PTPRG: variants seen among roughly 807,000 people sequenced by gnomAD.
PTPRG encodes the protein protein tyrosine phosphatase receptor type G, also known as receptor-type tyrosine-protein phosphatase gamma.
A neutral mutation model predicts 165.3 loss-of-function variants in PTPRG; 102 were observed. That is an observed-to-expected ratio of 0.62 (90% CI 0.53 to 0.73). PTPRG has a LOEUF of 0.73. Among genes scored for constraint, PTPRG ranks in the 30% least tolerant of loss-of-function variants. The pLI is 0.00. For missense variants in PTPRG, 1,866 were observed against 1,861.4 expected (o/e 1.00, Z -0.05); for synonymous variants, 675 against 669.5 (o/e 1.01, Z -0.13).
chr3:61,766,584 T>C (rs892167621), intron 2 of PTPRG, among the ~76,000 whole-genome samples: 1 of 151,842 alleles, frequency 6.6e-6, no homozygotes, highest in African/African-American at 2.4e-5. Flanking sequence ...ATCACACATG[T>C]ATTATTTAAC....
At chr3:61,604,665 A>G (rs946442967) in intron 1 of PTPRG, among the ~76,000 whole-genome samples, 9 of 152,212 alleles carry the variant, frequency 5.9e-5, no homozygotes, top group Admixed American at 1.3e-4. Flanking sequence ...AACAAGTAGC[A>G]TACTTGGTAG....
rs9831608 is a variant in PTPRG at position 62,062,577 on chromosome 3, A to T, written c.520-15586A>T. Among the ~76,000 whole-genome samples the T allele has an allele frequency of 3.7e-3, 568 of 152,114 alleles. 3 individuals are homozygous for T. Among genetic ancestry groups the T allele is most frequent in the Non-Finnish European group, 5.7e-3 (389 of 67,998 alleles). On this transcript the variant is annotated intron_variant, in intron 4 of 29. Transcript: ENST00000474889. Reference sequence around the variant, plus strand: ...CCCTATCAAGTAACCAGTTCAACAGAGACATCTATTTTTTGAAAAGAAGTT... The same window carrying T: ...CCCTATCAAGTAACCAGTTCAACAGTGACATCTATTTTTTGAAAAGAAGTT...
chr3:61,995,776 T>C (rs1401290041), intron 3 of PTPRG, among the ~76,000 whole-genome samples: 1 of 146,254 alleles, frequency 6.8e-6, no homozygotes, highest in Admixed American at 6.8e-5. Flanking sequence ...TCCTTCTTTT[T>C]CTTTTTCTTT....
At chr3:62,243,958 T>C in intron 15 of PTPRG, 60 bp downstream of exon 15, 1 of 1,062,952 alleles carries the variant, frequency 9.4e-7, no homozygotes, top group African/African-American at 1.6e-5. Context: ...TTATTCTCAG[T>C]TTTATGTGAT....
Position 62,255,159 on chromosome 3 carries a change from A to G in PTPRG, c.2503A>G (p.Lys835Glu). ...AGCCATTCCTGTCAAACAGTTTGTC[A>G]AACACATCGGTGAGCTCTATTCTAA... ...MEAIPVKQFV[K>E]HIGELYSNNQ... The change falls in exon 16 of 30, where the codon AAA becomes GAA. Residue 835 changes from lysine (K) to glutamate (E), a missense_variant. Physicochemically the swap from Lys to Glu is moderately conservative, Grantham distance 56. Around this residue, in one of 3 missense-constraint regions of PTPRG, gnomAD observed 1,452 missense variants for 1,463.0 expected, o/e 0.99. Coordinates refer to ENST00000474889, the MANE Select transcript of PTPRG (RefSeq NM_002841.4). The surrounding 1 kb of genome is among the most constrained non-coding windows in gnomAD (Gnocchi z 4.0). The G allele has an allele frequency of 6.2e-7, 1 of 1,613,392 alleles. No individual in the cohort carries two copies. Among genetic ancestry groups the G allele is most frequent in the Non-Finnish European group, 8.5e-7 (1 of 1,179,594 alleles).
In PTPRG at chr3:62,277,570, A is replaced by G. The variant is rs770056517; in HGVS notation, c.3656A>G (p.Glu1219Gly). The G allele has an allele frequency of 1.9e-6, 3 of 1,611,686 alleles. No individual in the cohort carries two copies. The highest frequency in any genetic ancestry group is 2.5e-6 in the Non-Finnish European group (3 of 1,179,176). ...SYIMGYYRSN[E>G]FIITQHPLPH... ...CTGAAGGGCTATTATAGGAGCAATG[A>G]ATTTATTATAACTCAGCATCCTCTG... The change falls in exon 26 of 30, where the codon GAA becomes GGA. Residue 1219 changes from glutamate (E) to glycine (G), a missense_variant. Around this residue, in one of 3 missense-constraint regions of PTPRG, gnomAD observed 1,452 missense variants for 1,463.0 expected, o/e 0.99. Coordinates refer to ENST00000474889, the MANE Select transcript of PTPRG (RefSeq NM_002841.4).
intron 2 of PTPRG, among the ~76,000 whole-genome samples, chr3:61,866,324 A>T (rs189892280): frequency 6.6e-6 from 1 of 152,246 alleles, no homozygotes; most frequent in East Asian, 1.9e-4. Context: ...TTCTGTTTGC[A>T]CGTGACCATG....
intron 1 of PTPRG, among the ~76,000 whole-genome samples, chr3:61,732,753 TAA>T (rs2032562127): frequency 1.4e-5 from 2 of 142,442 alleles, no homozygotes; most frequent in African/African-American, 2.7e-5. Context: ...AATAAATAAA[TAA>T]ATAAATCTTG....
At chr3:61,748,853 C>G in intron 1 of PTPRG, 25 bp from the exon 2 acceptor site, 1 of 1,596,044 alleles carries the variant, frequency 6.3e-7, no homozygotes, top group Non-Finnish European at 8.6e-7. Flanking sequence ...GCCTTTGTCT[C>G]ATTGTGGGTT....
intron 1 of PTPRG, among the ~76,000 whole-genome samples, chr3:61,672,743 AGAGG>A (rs1703063823): frequency 1.6e-5 from 2 of 121,760 alleles, no homozygotes; most frequent in Non-Finnish European, 3.3e-5. Context: ...GGGGAGAGGG[AGAGG>A]GAGAGGGAGA....
At chr3:62,262,023 C>G (rs944866553) in intron 16 of PTPRG, 2 of 152,196 alleles carry the variant, frequency 1.3e-5, no homozygotes, top group African/African-American at 4.8e-5. Flanking sequence ...CCTTATTAGT[C>G]AGCTCCAGTA....
intron 8 of PTPRG, among the ~76,000 whole-genome samples, chr3:62,183,420 C>T (rs971665149): frequency 1.3e-5 from 2 of 152,040 alleles, no homozygotes; most frequent in Non-Finnish European, 2.9e-5. Flanking sequence ...CAAAATTGGC[C>T]AGGTGTGGTG....
intron 2 of PTPRG, among the ~76,000 whole-genome samples, chr3:61,953,147 C>G (rs747568138): frequency 1.3e-5 from 2 of 152,166 alleles, no homozygotes; most frequent in African/African-American, 2.4e-5. Flanking sequence ...AACGCTTTCC[C>G]TCCTCCCAAC....
At chr3:62,275,846 A>G in intron 23 of PTPRG, 27 bp from the exon 24 acceptor site, 1 of 1,526,814 alleles carries the variant, frequency 6.5e-7, no homozygotes. Context: ...TCTTTGAATG[A>G]AGACTAAAAT....
intron 5 of PTPRG, among the ~76,000 whole-genome samples, chr3:62,090,120 A>G (rs1378144707): frequency 3.3e-5 from 5 of 152,254 alleles, no homozygotes; most frequent in Admixed American, 6.5e-5. Context: ...TGCACCACAT[A>G]TAATAAAATG....
chr3:61,680,519 C>A (rs57568191), intron 1 of PTPRG, among the ~76,000 whole-genome samples: 49,705 of 93,846 alleles, frequency 0.53, 13,133 homozygotes, highest in East Asian at 0.72. Context: ...AAAAAAAAAA[C>A]ACAAAAAAAC....
At chr3:62,285,315 T>C (rs1291056945) in intron 28 of PTPRG, among the ~76,000 whole-genome samples, 1 of 152,146 alleles carries the variant, frequency 6.6e-6, no homozygotes, top group Non-Finnish European at 1.5e-5. Flanking sequence ...CATTTATTGT[T>C]CAAAGTCATT....
chr3:61,660,335 A>C (rs1265979058), intron 1 of PTPRG, among the ~76,000 whole-genome samples: 1 of 152,248 alleles, frequency 6.6e-6, no homozygotes. Flanking sequence ...TGCAGGTGGC[A>C]GCTTGCTGTG....
rs1276265149 is a variant in PTPRG, at chr3:62,200,254, ATTATT to A, written c.1328-1238_1328-1234del. Among the ~76,000 whole-genome samples, 5 of 151,912 alleles carry A rather than the reference ATTATT, an allele frequency of 3.3e-5. No individual in the cohort carries two copies. The South Asian group carries it at 8.3e-4, about 25-fold the overall frequency. On this transcript the variant is annotated intron_variant, in intron 10 of 29. Coordinates refer to ENST00000474889, the MANE Select transcript of PTPRG (RefSeq NM_002841.4). ...GTTAAGATAGTAATTATTTTATTTT[ATTATT>A]TTATTTTATTTTTATTTATTTATTT...
Sources: allele counts gnomAD v4.1 joint callset (sites outside exome capture counted in the v4.1 genomes callset), GRCh38; gene constraint gnomAD v4.1.1; regional missense constraint gnomAD v4.1.1; non-coding constraint Gnocchi (gnomAD v3.1); transcripts MANE v1.5; gene names NCBI Gene and HGNC (gene_info 2026-07-23, HGNC 2026-07-21).